ACTN3: variants seen among roughly 807,000 people sequenced by gnomAD.
ACTN3 encodes the protein alpha-actinin-3.
ACTN3 carries 91 observed loss-of-function variants against 119.6 expected under a neutral mutation model. That is an observed-to-expected ratio of 0.76 (90% CI 0.64 to 0.91). The LOEUF is 0.91. Ranked by LOEUF, ACTN3 falls within the 40% of genes least tolerant of loss-of-function variation. The pLI is 0.00. For missense variants in ACTN3, 1,221 were observed against 1,215.1 expected, an observed-to-expected ratio of 1.00 and a Z score of -0.07; for synonymous variants, 456 against 478.8, an observed-to-expected ratio of 0.95 and a Z score of 0.62.
chr11:66,555,859 C>T (rs765752090), intron 7 of ACTN3, among the ~76,000 whole-genome samples: 7 of 152,200 alleles, frequency 4.6e-5, no homozygotes, highest in Non-Finnish European at 1.0e-4. Flanking sequence ...TAGTTCAAGG[C>T]ATGAGACAGC....
rs1041265903 is a variant in ACTN3, at chr11:66,551,690, C to T, written c.382+43C>T. The T allele has an allele frequency of 2.1e-5, 33 of 1,609,294 alleles. No homozygotes were observed. The Admixed American group carries it at 4.5e-4, about 22-fold the overall frequency. On this transcript the variant is annotated intron_variant, in intron 3 of 20. Transcript: ENST00000513398. ...AGGGTCTTGGGCAGGGCACAGGGGC[C>T]TCTCTTGACATCAGCAAATCACCTC...
chr11:66,553,952 C>A, intron 3 of ACTN3, 93 bp from the exon 4 acceptor site: 2 of 1,022,928 alleles, frequency 2.0e-6, no homozygotes, highest in Non-Finnish European at 1.5e-6. Flanking sequence ...GAGACAAGGG[C>A]CAGAGGGCTG....
rs781124008 is a variant in ACTN3, at chr11:66,558,082, G to C, written c.1184G>C (p.Trp395Ser). The C allele has an allele frequency of 6.2e-7, 1 of 1,613,824 alleles. No individual in the cohort carries two copies. The highest frequency in any genetic ancestry group is 2.2e-5 in the East Asian group (1 of 44,882). Reference protein sequence around the residue: ...LEQVEKGYEDWLLSEIRRLQR... With the variant: ...LEQVEKGYEDSLLSEIRRLQR... ...CAGGTGGAAAAGGGCTATGAGGACTGGCTGCTCTCGGAGATCCGGCGCCTG... is the reference window on the plus strand; with the variant it reads ...CAGGTGGAAAAGGGCTATGAGGACTCGCTGCTCTCGGAGATCCGGCGCCTG... Residue 395 changes from tryptophan (W) to serine (S), a missense_variant, in exon 11 of 21, where the codon TGG becomes TCG. Transcript: ENST00000513398.
chr11:66,556,323 T>C (rs886463703), intron 8 of ACTN3, 93 bp downstream of exon 8: 4 of 1,251,762 alleles, frequency 3.2e-6, no homozygotes, highest in East Asian at 2.4e-5. Context: ...ACCACGGAGG[T>C]TGGAGTGCCA....
intron 19 of ACTN3, 101 bp downstream of exon 19, chr11:66,562,423 C>A: frequency 7.7e-7 from 1 of 1,299,682 alleles, no homozygotes; most frequent in Non-Finnish European, 1.1e-6. Context: ...CCATCCCCTG[C>A]ATCTTCACTA....
At chr11:66,553,665 T>C (rs1857523479) in intron 3 of ACTN3, among the ~76,000 whole-genome samples, 1 of 151,120 alleles carries the variant, frequency 6.6e-6, no homozygotes, top group African/African-American at 2.4e-5. Context: ...GGTCAGGAGA[T>C]TGAGACCATC....
chr11:66,560,849 A>G, intron 15 of ACTN3, 94 bp downstream of exon 15: 1 of 1,367,832 alleles, frequency 7.3e-7, no homozygotes. Context: ...AATAAAGTCC[A>G]TCTTCAGATG....
rs978976250 is a variant in ACTN3 at position 66,558,173 on chromosome 11, G to T, written c.1275G>T (p.Arg425=). 2 of 1,612,664 alleles carry T rather than the reference G, an allele frequency of 1.2e-6. No individual in the cohort carries two copies. Among genetic ancestry groups the T allele is most frequent in the Non-Finnish European group, 1.7e-6 (2 of 1,179,888 alleles). Residue 425 remains arginine, a splice_region_variant and synonymous_variant, in exon 11 of 21, where the codon CGG becomes CGT. Transcript: ENST00000513398. ...QKASLHEAWT[R]GKEEMLSQRD... is the part of the protein sequence containing the mutation. ...CCTCCCTGCACGAAGCCTGGACCCGGGGTAGGTAGACCTACCTCATGGGGC... is the reference window on the plus strand; with the variant it reads ...CCTCCCTGCACGAAGCCTGGACCCGTGGTAGGTAGACCTACCTCATGGGGC...
chr11:66,546,419 G>A, upstream of ACTN3: 1 of 918,818 alleles, frequency 1.1e-6, no homozygotes, highest in South Asian at 1.7e-5. Context: ...AGCCCATCCA[G>A]CTGGCTCAGA....
At chr11:66,552,750 G>A (rs181597797) in intron 3 of ACTN3, among the ~76,000 whole-genome samples, 4 of 151,976 alleles carry the variant, frequency 2.6e-5, no homozygotes, top group African/African-American at 9.7e-5. Context: ...CCAGCTACTC[G>A]TGAGGCTGAG....
At position 66,563,044 on chromosome 11, in the gene ACTN3, A is replaced by C. The variant is rs1590813568; in HGVS notation, c.2557A>C (p.Thr853Pro). The C allele has an allele frequency of 1.2e-6, 2 of 1,609,868 alleles. No homozygotes were observed. The highest frequency in any genetic ancestry group is 1.7e-6 in the Non-Finnish European group (2 of 1,177,950). Residue 853 changes from threonine (T) to proline (P), a missense_variant, in exon 21 of 21, where the codon ACC becomes CCC. Physicochemically the swap from Thr to Pro is conservative, Grantham distance 38. Coordinates refer to ENST00000513398, the MANE Select transcript of ACTN3 (RefSeq NM_001104.4). ...CGCCTCTTCTCCCCAGAACTACATC[A>C]CCCCCGAGGAGCTGCGGCGCGAGCT... ...KILAGDKNYI[T>P]PEELRRELPA...
At chr11:66,555,404 C>A (rs1389483335) in intron 7 of ACTN3, 37 bp downstream of exon 7, 1 of 1,602,872 alleles carries the variant, frequency 6.2e-7, no homozygotes. Context: ...ACCCCACATT[C>A]TCCACACTGG....
chr11:66,551,818 G>A (rs1565303883), intron 3 of ACTN3, 171 bp downstream of exon 3: 2 of 574,608 alleles, frequency 3.5e-6, no homozygotes, highest in Admixed American at 6.3e-5. Flanking sequence ...GCTCACGCCT[G>A]TAATCTCGGC....
At chr11:66,559,169 C>T (rs1177127388) in intron 11 of ACTN3, 67 bp from the exon 12 acceptor site, 2 of 1,402,698 alleles carry the variant, frequency 1.4e-6, no homozygotes, top group Non-Finnish European at 1.9e-6. Context: ...TTCATGGTCA[C>T]GCAGCCCGCC....
chr11:66,562,775 G>A (rs921894302), intron 19 of ACTN3, 21 bp from the exon 20 acceptor site: 11 of 1,589,872 alleles, frequency 6.9e-6, no homozygotes, highest in Non-Finnish European at 9.4e-6. Flanking sequence ...TGGGCATAGT[G>A]CCTGGCCTCT....
rs371024898 is a variant in ACTN3 at position 66,556,167 on chromosome 11, G to A, written c.741G>A (p.Pro247=). The part of the protein sequence containing the change: ...DAEDIVNTPK[P]DEKAIMTYVS... ...TAGACATTGTGAACACCCCAAAGCC[G>A]GATGAGAAGGCCATCATGACCTATG... is the stretch of plus-strand genomic sequence containing the variant. The change falls in exon 8 of 21, where the codon CCG becomes CCA. Residue 247 remains proline (P), a synonymous_variant. Transcript: ENST00000513398. 2.9e-5 allele frequency: 47 copies of A among 1,613,652 alleles called. No individual in the cohort carries two copies. The highest frequency in any genetic ancestry group is 3.3e-4 in the Middle Eastern group (2 of 6,080).
intron 9 of ACTN3, 139 bp from the exon 10 acceptor site, chr11:66,557,560 T>C: frequency 2.3e-6 from 2 of 854,360 alleles, no homozygotes; most frequent in Non-Finnish European, 3.6e-6. Context: ...TTGTGGGGAC[T>C]ACCCCATCCT....
chr11:66,562,766 G>A, intron 19 of ACTN3, 30 bp from the exon 20 acceptor site: 1 of 1,574,440 alleles, frequency 6.4e-7, no homozygotes. Context: ...TAGTGCTCAT[G>A]GGCATAGTGC....
intron 1 of ACTN3, among the ~76,000 whole-genome samples, chr11:66,550,244 G>C (rs1857442963): frequency 6.6e-6 from 1 of 152,204 alleles, no homozygotes; most frequent in African/African-American, 2.4e-5. Context: ...AGCATGAGTG[G>C]CTCAGTTGGC....
Sources: allele counts gnomAD v4.1 joint callset (sites outside exome capture counted in the v4.1 genomes callset), GRCh38; gene constraint gnomAD v4.1.1; transcripts MANE v1.5; gene names NCBI Gene and HGNC (gene_info 2026-07-23, HGNC 2026-07-21).